The following GPR89A variants were observed in gnomAD, a reference collection of about 807,000 sequenced individuals.
The protein encoded by GPR89A is golgi pH regulator A.
A neutral mutation model predicts 52.0 loss-of-function variants in GPR89A; 16 were observed. That is an observed-to-expected ratio of 0.31 (90% CI 0.21 to 0.47). The LOEUF is 0.47. GPR89A is among the 20% of genes least tolerant of loss of function. The pLI, the probability that GPR89A is intolerant of heterozygous loss-of-function variation, is 1.00. For synonymous variants in GPR89A, 55 were observed against 150.9 expected, an observed-to-expected ratio of 0.36 and a Z score of 4.66; for missense variants, 135 against 449.4, an observed-to-expected ratio of 0.30 and a Z score of 6.33.
At chr1:145,646,121 C>T in intron 8 of GPR89A, 63 bp from the exon 9 acceptor site, 1 of 1,613,026 alleles carries the variant, frequency 6.2e-7, no homozygotes, top group South Asian at 1.1e-5. Flanking sequence ...AAAGTATATG[C>T]TTTCTCATTG....
chr1:145,653,108 C>G (rs1176887139), intron 10 of GPR89A, among the ~76,000 whole-genome samples: 1 of 150,950 alleles, frequency 6.6e-6, no homozygotes, highest in African/African-American at 2.5e-5. Flanking sequence ...TTGATATGAG[C>G]ATTTAGTGCT....
rs199628458 is a variant in GPR89A, at chr1:145,668,734, G to A, written c.1096-891G>A. On this transcript the variant is annotated intron_variant, in intron 12 of 13. Coordinates refer to ENST00000313835, the MANE Select transcript of GPR89A (RefSeq NM_001097612.2). ...TGTCATAAATAGCTCTTACGATTTC[G>A]AGATACGTCCCATCAATACCTAATT... Among the ~76,000 whole-genome samples the A allele has an allele frequency of 6.6e-5, 10 of 152,160 alleles. No individual in the cohort carries two copies. The East Asian group carries it at 1.9e-3, about 29-fold the overall frequency.
At chr1:145,668,473 T>C (rs1332610711) in intron 12 of GPR89A, among the ~76,000 whole-genome samples, 2 of 152,210 alleles carry the variant, frequency 1.3e-5, no homozygotes, top group East Asian at 1.9e-4. Flanking sequence ...GATTTTGGGC[T>C]GAGACGATGG....
At chr1:145,625,121 T>C (rs1330874189) in intron 5 of GPR89A, among the ~76,000 whole-genome samples, 3 of 152,152 alleles carry the variant, frequency 2.0e-5, no homozygotes, top group Non-Finnish European at 4.4e-5. Flanking sequence ...AGAGGAGATA[T>C]GCAGTTTTGA....
intron 10 of GPR89A, among the ~76,000 whole-genome samples, chr1:145,658,000 A>G (rs1651926848): frequency 6.6e-6 from 1 of 151,982 alleles, no homozygotes; most frequent in Admixed American, 6.6e-5. Flanking sequence ...CATACTCATT[A>G]GTAGTCATTC....
intron 1 of GPR89A, among the ~76,000 whole-genome samples, chr1:145,611,955 G>A (rs2101723954): frequency 6.6e-6 from 1 of 152,028 alleles, no homozygotes; most frequent in Non-Finnish European, 1.5e-5. Flanking sequence ...TTACCTTCAT[G>A]TATATATAAG....
chr1:145,652,290 G>A (rs1651498930), intron 10 of GPR89A, among the ~76,000 whole-genome samples: 1 of 152,076 alleles, frequency 6.6e-6, no homozygotes. Flanking sequence ...TTATGTGATG[G>A]ATTACGTTTA....
intron 1 of GPR89A, 110 bp downstream of exon 1, chr1:145,608,285 T>C: frequency 1.4e-6 from 2 of 1,454,816 alleles, no homozygotes; most frequent in South Asian, 2.3e-5. Flanking sequence ...CTCTTACGCG[T>C]CCTGCGCTAG....
chr1:145,617,643 A>G (rs587649781), intron 2 of GPR89A, among the ~76,000 whole-genome samples: 2 of 152,082 alleles, frequency 1.3e-5, no homozygotes, highest in South Asian at 2.1e-4. Context: ...ATAAATGTCC[A>G]TGAAACAATT....
Position 145,608,059 on chromosome 1 carries a change from G to C in GPR89A, c.-75G>C. On this transcript the variant is annotated 5_prime_UTR_variant, in exon 1 of 14. Coordinates refer to ENST00000313835, the MANE Select transcript of GPR89A (RefSeq NM_001097612.2). ...ACCTGGGAGAAGGCAGACCGTGTGA[G>C]GGGGCCTGTGGCCCCAGCGTGCTGT... is the stretch of plus-strand genomic sequence containing the variant. The C allele has an allele frequency of 5.1e-6, 8 of 1,555,398 alleles. No homozygotes were observed. The highest frequency in any genetic ancestry group is 7.1e-6 in the Non-Finnish European group (8 of 1,129,664).
At chr1:145,638,985 G>A (rs1429504000) in intron 7 of GPR89A, among the ~76,000 whole-genome samples, 1 of 149,768 alleles carries the variant, frequency 6.7e-6, no homozygotes, top group Non-Finnish European at 1.5e-5. Flanking sequence ...TAAATCAATT[G>A]TCTTTCTATA....
At chr1:145,610,920 T>C (rs1351430888) in intron 1 of GPR89A, among the ~76,000 whole-genome samples, 2 of 152,174 alleles carry the variant, frequency 1.3e-5, no homozygotes, top group African/African-American at 4.8e-5. Context: ...CTAACTCATG[T>C]TTTGAGCCCT....
At chr1:145,632,324 A>G (rs1649935511) in intron 7 of GPR89A, among the ~76,000 whole-genome samples, 2 of 151,972 alleles carry the variant, frequency 1.3e-5, no homozygotes, top group Non-Finnish European at 2.9e-5. Flanking sequence ...CATGCTGTAC[A>G]GTATGTTGCA....
intron 7 of GPR89A, among the ~76,000 whole-genome samples, chr1:145,638,090 GA>G (rs1463302829): frequency 2.0e-5 from 3 of 147,048 alleles, no homozygotes; most frequent in Non-Finnish European, 4.5e-5. Flanking sequence ...AGAATCACTT[GA>G]ACCCAGGAGG....
intron 1 of GPR89A, among the ~76,000 whole-genome samples, chr1:145,609,916 G>A (rs1270606046): frequency 6.6e-6 from 1 of 152,154 alleles, no homozygotes; most frequent in East Asian, 1.9e-4. Context: ...CTTTAGGAAG[G>A]TCTTACCTGA....
chr1:145,668,910 G>T (rs1471435245), intron 12 of GPR89A, among the ~76,000 whole-genome samples: 1 of 152,140 alleles, frequency 6.6e-6, no homozygotes, highest in Non-Finnish European at 1.5e-5. Flanking sequence ...TTGCATCCCA[G>T]GGATGAAGCC....
intron 3 of GPR89A, among the ~76,000 whole-genome samples, chr1:145,619,761 A>G (rs1571472917): frequency 6.6e-6 from 1 of 152,338 alleles, no homozygotes; most frequent in East Asian, 1.9e-4. Context: ...CACGCCTGTA[A>G]TCCCAGCACT....
chr1:145,612,428 T>A (rs587768045), intron 1 of GPR89A, among the ~76,000 whole-genome samples: 5 of 152,110 alleles, frequency 3.3e-5, no homozygotes, highest in Non-Finnish European at 5.9e-5. Flanking sequence ...AAAGCACAGA[T>A]TTTCTAAACA....
At chr1:145,626,926 C>A (rs1649541676) in intron 5 of GPR89A, among the ~76,000 whole-genome samples, 1 of 86,866 alleles carries the variant, frequency 1.2e-5, no homozygotes, top group Admixed American at 1.5e-4. Context: ...CCCCTCCAGC[C>A]TGGGCGACAG....
Sources: allele counts gnomAD v4.1 joint callset (sites outside exome capture counted in the v4.1 genomes callset), GRCh38; gene constraint gnomAD v4.1.1; transcripts MANE v1.5; gene names NCBI Gene and HGNC (gene_info 2026-07-23, HGNC 2026-07-21).